Variants in ZBTB12 observed in about 807,000 individuals in gnomAD.
ZBTB12 encodes the protein zinc finger and BTB domain containing 12.
In ZBTB12, 1 loss-of-function variant was observed where a neutral mutation model predicts 6.4. The observed-to-expected ratio is 0.16, with a 90% CI of 0.06 to 0.74. The LOEUF (loss-of-function observed/expected upper bound fraction) is 0.74, where lower values mean the gene tolerates loss of function less well. Among genes scored for constraint, ZBTB12 ranks in the 30% least tolerant of loss-of-function variants. ZBTB12 has a pLI of 0.78. For synonymous variants in ZBTB12, 273 were observed against 262.5 expected, an observed-to-expected ratio of 1.04 and a Z score of -0.39; for missense variants, 344 against 613.9, an observed-to-expected ratio of 0.56 and a Z score of 4.65.
Position 31,900,527 on chromosome 6 carries a change from T to C in ZBTB12, c.779A>G (p.Gln260Arg), listed in dbSNP as rs1562535757. Residue 260 changes from glutamine (Q) to arginine (R), a missense_variant, in exon 2 of 2, where the codon CAG becomes CGG. Physicochemically the swap from Gln to Arg is conservative, Grantham distance 43. Transcript: ENST00000375527. The surrounding 1 kb of genome is among the most constrained non-coding windows in gnomAD (Gnocchi z 9.7). ...GCTATAGCAGGCCTTCACCACACCCTGCGGTGGGGCTACAGTGCTGGGGGG... is the reference window on the plus strand; with the variant it reads ...GCTATAGCAGGCCTTCACCACACCCCGCGGTGGGGCTACAGTGCTGGGGGG... ...SVPPSTVAPP[Q>R]GVVKACYSLS... 6.2e-7 allele frequency: 1 copy of C among 1,611,814 alleles called. No homozygotes were observed. Among genetic ancestry groups the C allele is most frequent in the Non-Finnish European group, 8.5e-7 (1 of 1,179,952 alleles).
Position 31,900,687 on chromosome 6 carries a change from C to CA in ZBTB12, c.618dup (p.Asp207Ter), listed in dbSNP as rs1283717539. The CA allele has an allele frequency of 6.2e-7, 1 of 1,611,186 alleles. No individual in the cohort carries two copies. The highest frequency in any genetic ancestry group is 8.5e-7 in the Non-Finnish European group (1 of 1,179,052). The stretch of plus-strand genomic sequence containing the variant: ...GACTCCACCTTGACGATGCAGATGT[C>CA]AGACACGTCCTCATCCTCATCCTCA... On this transcript the variant is annotated frameshift_variant, in exon 2 of 2. Transcript: ENST00000375527. LOFTEE classifies it high-confidence loss of function. The surrounding 1 kb of genome is among the most constrained non-coding windows in gnomAD (Gnocchi z 9.7).
Position 31,900,356 on chromosome 6 carries a change from C to T in ZBTB12, c.950G>A (p.Arg317Gln), listed in dbSNP as rs760944494. 5.6e-6 allele frequency: 9 copies of T among 1,599,080 alleles called. 1 individual carries two copies. The South Asian group carries it at 6.7e-5, about 12-fold the overall frequency. ...AGGSLGAGGSRGPLPGGFSGG... is the reference protein window; with the variant it reads ...AGGSLGAGGSQGPLPGGFSGG... The stretch of plus-strand genomic sequence containing the variant: ...TGAGAAGCCCCCAGGCAGGGGTCCC[C>T]GGCTGCCCCCCGCCCCCAGGCTGCC... Residue 317 changes from arginine to glutamine, a missense_variant, in exon 2 of 2, where the codon CGG (arginine) becomes CAG (glutamine). By Grantham distance (43) the Arg-to-Gln change is conservative (BLOSUM62 1). Around this residue, in one of 5 missense-constraint regions of ZBTB12, gnomAD observed 241 missense variants for 315.4 expected, o/e 0.76. Coordinates refer to ENST00000375527, the MANE Select transcript of ZBTB12 (RefSeq NM_181842.3). The surrounding 1 kb of genome is among the most constrained non-coding windows in gnomAD (Gnocchi z 9.7).
Position 31,899,949 on chromosome 6 carries a change from C to T in ZBTB12, c.1357G>A (p.Glu453Lys), listed in dbSNP as rs368174598. ...GGCTAGCGGATGAGGACGTTAATCT[C>T]GGCCACACTGGCCTCCAGCACGTTC... ...AENVLEASVA[E>K]INVLIR is the part of the protein sequence containing the mutation. Residue 453 changes from glutamate to lysine, a missense_variant, in exon 2 of 2, where the codon GAG (glutamate) becomes AAG (lysine). Physicochemically the swap from Glu to Lys is moderately conservative, Grantham distance 56. Around this residue, in one of 5 missense-constraint regions of ZBTB12, gnomAD observed 15 missense variants for 20.2 expected, o/e 0.74. Transcript: ENST00000375527. 1.9e-6 allele frequency: 3 copies of T among 1,591,288 alleles called. No individual in the cohort carries two copies. The highest frequency in any genetic ancestry group is 1.7e-6 in the Non-Finnish European group (2 of 1,166,980).
rs373260313 is a variant in ZBTB12 at position 31,900,883 on chromosome 6, A to T, written c.423T>A (p.Ala141=). The T allele has an allele frequency of 4.3e-6, 7 of 1,613,918 alleles. No individual in the cohort carries two copies. In the East Asian group the frequency reaches 6.7e-5, roughly 15 times the overall value. Residue 141 remains alanine (A), a synonymous_variant, in exon 2 of 2, where the codon GCT becomes GCA. Coordinates refer to ENST00000375527, the MANE Select transcript of ZBTB12 (RefSeq NM_181842.3). The surrounding 1 kb of genome is among the most constrained non-coding windows in gnomAD (Gnocchi z 9.7). ...IGLKEDGVSE[A]SLVSSISATK... The stretch of plus-strand genomic sequence containing the variant: ...TGGCGCTGATGCTGCTCACAAGGCT[A>T]GCCTCACTGACCCCATCCTCTTTGA...
rs374649189 is a variant in ZBTB12 at position 31,899,915 on chromosome 6, C to A, written c.*11G>T. Reference sequence around the variant, plus strand: ...AGGGGCCCCAGCCTCCTGGCCTCCACGCCTGCGCGGCTAGCGGATGAGGAC... The same window carrying A: ...AGGGGCCCCAGCCTCCTGGCCTCCAAGCCTGCGCGGCTAGCGGATGAGGAC... On this transcript the variant is annotated 3_prime_UTR_variant, in exon 2 of 2. Coordinates refer to ENST00000375527, the MANE Select transcript of ZBTB12 (RefSeq NM_181842.3). The A allele has an allele frequency of 2.4e-5, 38 of 1,563,744 alleles. No homozygotes were observed. The highest frequency in any genetic ancestry group is 3.2e-5 in the Non-Finnish European group (37 of 1,154,074).
rs1581991828 is a variant in ZBTB12, at chr6:31,900,430, C to T, written c.876G>A (p.Ser292=). The stretch of plus-strand genomic sequence containing the variant: ...CCACCGCTGCTGCTTCCACCAGGCC[C>T]GAGGTGGCCCCCACGCTGGCCCGGC... ...PGGRASVGAT[S]GLVEAAAVAM... Residue 292 remains serine (S), a synonymous_variant, in exon 2 of 2, where the codon TCG becomes TCA. Coordinates refer to ENST00000375527, the MANE Select transcript of ZBTB12 (RefSeq NM_181842.3). The surrounding 1 kb of genome is among the most constrained non-coding windows in gnomAD (Gnocchi z 9.7). 4 of 1,554,624 alleles carry T rather than the reference C, an allele frequency of 2.6e-6. No homozygotes were observed. The highest frequency in any genetic ancestry group is 2.4e-5 in the East Asian group (1 of 41,302).
At position 31,901,298 on chromosome 6, in the gene ZBTB12, G is replaced by A. The variant is rs760139294; in HGVS notation, c.8C>T (p.Ser3Phe). 6.2e-7 allele frequency: 1 copy of A among 1,608,752 alleles called. No individual in the cohort carries two copies. The highest frequency in any genetic ancestry group is 1.7e-5 in the Admixed American group (1 of 59,820). Residue 3 changes from serine (S) to phenylalanine (F), a missense_variant, in exon 2 of 2, where the codon TCT (serine) becomes TTT (phenylalanine). Around this residue, in one of 5 missense-constraint regions of ZBTB12, gnomAD observed 17 missense variants for 16.5 expected, o/e 1.03. Coordinates refer to ENST00000375527, the MANE Select transcript of ZBTB12 (RefSeq NM_181842.3). MA[S>F]GVEVLRFQLP... Reference sequence around the variant, plus strand: ...CTGGAAGCGCAGGACTTCCACCCCAGAGGCCATTGTGGCGGGGGTGGGCAA... The same window carrying A: ...CTGGAAGCGCAGGACTTCCACCCCAAAGGCCATTGTGGCGGGGGTGGGCAA...
At position 31,901,957 on chromosome 6, in the gene ZBTB12, G is replaced by GAC. The variant is rs374684075; in HGVS notation, c.-143_-142dup. On this transcript the variant is annotated 5_prime_UTR_variant, in exon 1 of 2. Coordinates refer to ENST00000375527, the MANE Select transcript of ZBTB12 (RefSeq NM_181842.3). ...AGCGCGCAGGCGCGGGGATGCACGG[G>GAC]ACGCGCGCGCGCGCGGGGCCGGCTC... is the stretch of plus-strand genomic sequence containing the variant. 10,135 of 147,158 alleles carry GAC rather than the reference G, an allele frequency of 0.069. 560 individuals carry two copies. The highest frequency in any genetic ancestry group is 0.13 in the African/African-American group (5,287 of 39,736). 9.1% of individuals were successfully genotyped at this position (147,158 alleles called of 1,614,324 possible).
At position 31,900,320 on chromosome 6, in the gene ZBTB12, G is replaced by A. The variant is rs774934754; in HGVS notation, c.986C>T (p.Pro329Leu). 1 of 1,611,556 alleles carries A rather than the reference G, an allele frequency of 6.2e-7. No homozygotes were observed. The highest frequency in any genetic ancestry group is 8.5e-7 in the Non-Finnish European group (1 of 1,179,824). ...CTTGGTGCACTTGATGTTCTTTAAGGGGTTTCCACCTGAGAAGCCCCCAGG... is the reference window on the plus strand; with the variant it reads ...CTTGGTGCACTTGATGTTCTTTAAGAGGTTTCCACCTGAGAAGCCCCCAGG... ...PLPGGFSGGN[P>L]LKNIKCTKCP... is the part of the protein sequence containing the mutation. The change falls in exon 2 of 2, where the codon CCC becomes CTC. Residue 329 changes from proline to leucine, a missense_variant. Pro to Leu is a moderately conservative substitution (Grantham distance 98). This residue lies in a region of ZBTB12 where 241 missense variants were observed against 315.4 expected (regional missense o/e 0.76). Transcript: ENST00000375527. This position sits in a 1 kb window ranked among gnomAD's most constrained non-coding sequence, Gnocchi z 9.7.
At chr6:31,901,488 G>A (rs764018260) in intron 1 of ZBTB12, among the ~76,000 whole-genome samples, 163 bp from the exon 2 acceptor site, 9 of 151,904 alleles carry the variant, frequency 5.9e-5, no homozygotes, top group Non-Finnish European at 1.3e-4. Context: ...CTGTCCCTCT[G>A]AGAGGAGGGA....
rs761572069 is a variant in ZBTB12 at position 31,901,084 on chromosome 6, C to G, written c.222G>C (p.Leu74=). ...LNPSSELQVS[L]MHSARIVADL... ...CGGCCACGATGCGTGCACTGTGCAT[C>G]AGGGAGACCTGCAGCTCCGAGCTGG... The change falls in exon 2 of 2, where the codon CTG becomes CTC. Residue 74 remains leucine, a synonymous_variant. Coordinates refer to ENST00000375527, the MANE Select transcript of ZBTB12 (RefSeq NM_181842.3). 6.2e-7 allele frequency: 1 copy of G among 1,614,176 alleles called. No individual in the cohort carries two copies. The highest frequency in any genetic ancestry group is 1.7e-5 in the Admixed American group (1 of 60,028).
In ZBTB12 at chr6:31,900,909, G is replaced by A; in HGVS notation, c.397C>T (p.Leu133Phe). 6 of 1,614,114 alleles carry A rather than the reference G, an allele frequency of 3.7e-6. No homozygotes were observed. The highest frequency in any genetic ancestry group is 4.2e-6 in the Non-Finnish European group (5 of 1,180,032). ...GCCTCACTGACCCCATCCTCTTTGA[G>A]GCCTATTTTGGGCTCAATGAACTGG... ...LSQFIEPKIGLKEDGVSEASL... is the reference protein window; with the variant it reads ...LSQFIEPKIGFKEDGVSEASL... Residue 133 changes from leucine (L) to phenylalanine (F), a missense_variant, in exon 2 of 2, where the codon CTC becomes TTC. This residue lies in a region of ZBTB12 where 241 missense variants were observed against 315.4 expected (regional missense o/e 0.76). Transcript: ENST00000375527. This position sits in a 1 kb window ranked among gnomAD's most constrained non-coding sequence, Gnocchi z 9.7.
At chr6:31,901,448 T>G (rs1388336379) in intron 1 of ZBTB12, 123 bp from the exon 2 acceptor site, 8 of 948,046 alleles carry the variant, frequency 8.4e-6, no homozygotes, top group Admixed American at 5.8e-5. Flanking sequence ...TTCAGATTTC[T>G]TCCTCAGTTT....
At position 31,901,953 on chromosome 6, in the gene ZBTB12, A is replaced by C. The variant is rs1213673812; in HGVS notation, c.-137T>G. On this transcript the variant is annotated 5_prime_UTR_variant, in exon 1 of 2. Transcript: ENST00000375527. ...GGGCAGCGCGCAGGCGCGGGGATGC[A>C]CGGGACGCGCGCGCGCGCGGGGCCG... 1.5e-5 allele frequency: 2 copies of C among 137,396 alleles called. No individual in the cohort carries two copies. The highest frequency in any genetic ancestry group is 7.1e-5 in the Admixed American group (1 of 14,074). 8.5% of individuals were successfully genotyped at this position (137,396 alleles called of 1,614,324 possible).
Position 31,899,721 on chromosome 6 carries a change from CT to C in ZBTB12, c.*204del. On this transcript the variant is annotated 3_prime_UTR_variant, in exon 2 of 2. Coordinates refer to ENST00000375527, the MANE Select transcript of ZBTB12 (RefSeq NM_181842.3). The stretch of plus-strand genomic sequence containing the variant: ...CGTATTCCCCTGGCCTCCAAGAACC[CT>C]TTTCCCAGCTCCAGATTCTTGCACT... 1 of 590,890 alleles carries C rather than the reference CT, an allele frequency of 1.7e-6. No individual in the cohort carries two copies. The allele number at this position is 590,890 out of a possible 1,614,324, so 36.6% of individuals were successfully genotyped here.
In ZBTB12 at chr6:31,900,967, C is replaced by A. The variant is rs1190016194; in HGVS notation, c.339G>T (p.Glu113Asp). The A allele has an allele frequency of 6.2e-7, 1 of 1,614,122 alleles. No individual in the cohort carries two copies. Among genetic ancestry groups the A allele is most frequent in the Non-Finnish European group, 8.5e-7 (1 of 1,180,050 alleles). Residue 113 changes from glutamate (E) to aspartate (D), a missense_variant, in exon 2 of 2, where the codon GAG becomes GAT. By Grantham distance (45) the Glu-to-Asp change is conservative. Coordinates refer to ENST00000375527, the MANE Select transcript of ZBTB12 (RefSeq NM_181842.3). This position sits in a 1 kb window ranked among gnomAD's most constrained non-coding sequence, Gnocchi z 9.7. The part of the protein sequence containing the change: ...YLTAASYLQM[E>D]HVVEKCRNAL... Reference sequence around the variant, plus strand: ...CATTCCGGCATTTCTCCACCACGTGCTCCATCTGCAGGTAGGAGGCGGCTG... The same window carrying A: ...CATTCCGGCATTTCTCCACCACGTGATCCATCTGCAGGTAGGAGGCGGCTG...
rs1350283504 is a variant in ZBTB12, at chr6:31,899,687, C to G, written c.*239G>C. On this transcript the variant is annotated 3_prime_UTR_variant, in exon 2 of 2. Coordinates refer to ENST00000375527, the MANE Select transcript of ZBTB12 (RefSeq NM_181842.3). ...ACTTCTAAGAGAAGGAAATCTTTCT[C>G]TGGGACCCCGTATTCCCCTGGCCTC... 1.5e-5 allele frequency: 8 copies of G among 525,434 alleles called. No individual in the cohort carries two copies. The highest frequency in any genetic ancestry group is 3.8e-5 in the African/African-American group (2 of 52,960). The allele number at this position is 525,434 out of a possible 1,614,324, so 32.5% of individuals were successfully genotyped here.
In ZBTB12 at chr6:31,899,910, C is replaced by T; in HGVS notation, c.*16G>A. ...AGCCCAGGGGCCCCAGCCTCCTGGC[C>T]TCCACGCCTGCGCGGCTAGCGGATG... On this transcript the variant is annotated 3_prime_UTR_variant, in exon 2 of 2. Transcript: ENST00000375527. The T allele has an allele frequency of 6.4e-7, 1 of 1,559,278 alleles. No homozygotes were observed. Among genetic ancestry groups the T allele is most frequent in the Non-Finnish European group, 8.7e-7 (1 of 1,152,134 alleles).
chr6:31,899,967 G>A lies in ZBTB12; in HGVS notation c.1339C>T (p.Leu447=), dbSNP rs549312665. ...QHGKTTAENV[L]EASVAEINVL... ...TTAATCTCGGCCACACTGGCCTCCA[G>A]CACGTTCTCGGCCGTGGTCTTGCCG... Residue 447 remains leucine, a synonymous_variant, in exon 2 of 2, where the codon CTG becomes TTG. Coordinates refer to ENST00000375527, the MANE Select transcript of ZBTB12 (RefSeq NM_181842.3). 7.3e-5 allele frequency: 117 copies of A among 1,599,716 alleles called. No homozygotes were observed. In the South Asian group the frequency reaches 1.2e-3, roughly 16 times the overall value.
Sources: gnomAD v4.1 joint callset for allele counts (sites outside exome capture counted in the v4.1 genomes callset) on GRCh38, gnomAD v4.1.1 for gene constraint, gnomAD v4.1.1 regional missense constraint, Gnocchi (gnomAD v3.1) non-coding constraint, MANE v1.5 for transcripts, NCBI Gene and HGNC (gene_info 2026-07-23, HGNC 2026-07-21) for gene names.